Variants in ADARB2 observed in about 807,000 individuals in gnomAD.
The protein encoded by ADARB2 is inactive double-stranded RNA-specific editase B2.
ADARB2 carries 25 observed loss-of-function variants against 62.2 expected under a neutral mutation model. That is an observed-to-expected ratio of 0.40 (90% CI 0.29 to 0.56). The LOEUF (loss-of-function observed/expected upper bound fraction) is 0.56, where lower values mean the gene tolerates loss of function less well. ADARB2 is among the 20% of genes least tolerant of loss of function. ADARB2 has a pLI of 0.43. For missense variants in ADARB2, 1,071 were observed against 1,077.4 expected (o/e 0.99, Z 0.08); for synonymous variants, 572 against 500.8 (o/e 1.14, Z -1.90).
chr10:1,496,620 T>TTCATCA (rs542628077), intron 1 of ADARB2, among the ~76,000 whole-genome samples: 2 of 151,770 alleles, frequency 1.3e-5, no homozygotes, highest in African/African-American at 4.8e-5. Flanking sequence ...TTATCATCAT[T>TTCATCA]TCATCATCAT....
rs115189695 is a variant in ADARB2, at chr10:1,561,999, C to T, written c.100+175052G>A. Among the ~76,000 whole-genome samples the T allele has an allele frequency of 3.2e-3, 490 of 152,342 alleles. 2 individuals carry two copies. Among genetic ancestry groups the T allele is most frequent in the Middle Eastern group, 0.02 (6 of 294 alleles). ...TGTGAACTGCAGTCACCTCTGGGTG[C>T]AGCCCCAGCTTCCGAGCTCATCGCC... On this transcript the variant is annotated intron_variant, in intron 1 of 9. Coordinates refer to ENST00000381312, the MANE Select transcript of ADARB2 (RefSeq NM_018702.4).
chr10:1,211,028 G>A (rs1837143392), intron 7 of ADARB2, among the ~76,000 whole-genome samples: 1 of 152,138 alleles, frequency 6.6e-6, no homozygotes, highest in Non-Finnish European at 1.5e-5. Context: ...TGTTGCCAAT[G>A]GCGCTGTGAG....
chr10:1,511,261 T>G (rs1831933207), intron 1 of ADARB2, among the ~76,000 whole-genome samples: 2 of 152,216 alleles, frequency 1.3e-5, no homozygotes, highest in African/African-American at 4.8e-5. Flanking sequence ...GTTCAACGGA[T>G]AGATTATGTA....
At chr10:1,478,938 AGGAGGAGG>A in intron 1 of ADARB2, among the ~76,000 whole-genome samples, 1 of 152,132 alleles carries the variant, frequency 6.6e-6, no homozygotes, top group Non-Finnish European at 1.5e-5. Context: ...GGACCCTTGG[AGGAGGAGG>A]GGCCTGCAAA....
chr10:1,621,385 T>C (rs1833702436), intron 1 of ADARB2, among the ~76,000 whole-genome samples: 1 of 151,952 alleles, frequency 6.6e-6, no homozygotes. Flanking sequence ...AATAAATAAC[T>C]AGGAATAGTT....
intron 1 of ADARB2, chr10:1,678,380 C>T (rs1383262324): frequency 6.0e-5 from 59 of 976,464 alleles, no homozygotes; most frequent in African/African-American, 1.8e-4. Flanking sequence ...TGAGCATCCT[C>T]GGGCTGAGTG....
At chr10:1,505,823 A>G (rs549732653) in intron 1 of ADARB2, among the ~76,000 whole-genome samples, 1 of 152,354 alleles carries the variant, frequency 6.6e-6, no homozygotes, top group African/African-American at 2.4e-5. Context: ...ATCTTCTTGA[A>G]TTAGGAGGAC....
At chr10:1,323,500 C>T (rs1831814653) in intron 3 of ADARB2, among the ~76,000 whole-genome samples, 1 of 151,952 alleles carries the variant, frequency 6.6e-6, no homozygotes, top group African/African-American at 2.4e-5. Context: ...TGTTTAAGTC[C>T]TAGAATAACT....
chr10:1,235,001 C>T lies in ADARB2; in HGVS notation c.1362-1156G>A, dbSNP rs181888284. Among the ~76,000 whole-genome samples the T allele has an allele frequency of 9.1e-4, 139 of 152,186 alleles. 2 individuals carry two copies. In the East Asian group the frequency reaches 0.026, roughly 28 times the overall value. On this transcript the variant is annotated intron_variant, in intron 5 of 9. Coordinates refer to ENST00000381312, the MANE Select transcript of ADARB2 (RefSeq NM_018702.4). ...ACTTCAGGTGATCCACCCGCCTTGG[C>T]CCCCCAAAGAGCTGGGATTACAGGC... is the stretch of plus-strand genomic sequence containing the variant.
chr10:1,235,259 G>T (rs1830854827), intron 5 of ADARB2, among the ~76,000 whole-genome samples: 1 of 139,126 alleles, frequency 7.2e-6, no homozygotes, highest in South Asian at 2.4e-4. Context: ...ACCAGCACAG[G>T]TGGGAGTGGA....
intron 2 of ADARB2, among the ~76,000 whole-genome samples, chr10:1,378,863 T>A (rs956347701): frequency 6.6e-5 from 10 of 152,066 alleles, no homozygotes; most frequent in African/African-American, 2.4e-4. Context: ...AAGAAAAGGA[T>A]TCCAGCTGAG....
rs1835315196 is a variant in ADARB2, at chr10:1,737,339, TC to T, written c.-190del. 1.0e-5 allele frequency: 6 copies of T among 596,270 alleles called. No individual in the cohort carries two copies. Among genetic ancestry groups the T allele is most frequent in the African/African-American group, 1.9e-5 (1 of 53,432 alleles). 36.9% of individuals were successfully genotyped at this position (596,270 alleles called of 1,614,324 possible). A position where few individuals can be genotyped will look rare whatever the true frequency, so the allele number is the denominator to read the frequency against. On this transcript the variant is annotated 5_prime_UTR_variant, in exon 1 of 10. Transcript: ENST00000381312. ...TCTCGAATTGTTCTCTATGACTTGC[TC>T]CCACTGGGCTGGGGGCCTCGGCTGG...
intron 8 of ADARB2, among the ~76,000 whole-genome samples, chr10:1,194,656 A>T (rs6560719): frequency 0.99 from 150,189 of 152,346 alleles, 74,069 homozygotes; most frequent in Middle Eastern, 1. Context: ...TAATTCTCTC[A>T]TGTGCTGTGT....
At chr10:1,557,159 A>G (rs1265922209) in intron 1 of ADARB2, among the ~76,000 whole-genome samples, 2 of 151,724 alleles carry the variant, frequency 1.3e-5, no homozygotes, top group Middle Eastern at 3.4e-3. Context: ...CCCAGTCACC[A>G]TGTCCAGTCG....
chr10:1,360,185 A>G (rs1383582628), intron 3 of ADARB2, among the ~76,000 whole-genome samples: 1 of 152,252 alleles, frequency 6.6e-6, no homozygotes, highest in African/African-American at 2.4e-5. Flanking sequence ...CAGAGACTGC[A>G]TCGTCCCAGC....
At chr10:1,544,342 G>A (rs570648238) in intron 1 of ADARB2, among the ~76,000 whole-genome samples, 16 of 152,354 alleles carry the variant, frequency 1.1e-4, no homozygotes, top group South Asian at 2.1e-4. Flanking sequence ...CCGGGGGTGC[G>A]GAGTGTTGGG....
chr10:1,508,054 A>C (rs1369568152), intron 1 of ADARB2, among the ~76,000 whole-genome samples: 1 of 152,118 alleles, frequency 6.6e-6, no homozygotes, highest in Non-Finnish European at 1.5e-5. Flanking sequence ...CACAAGGGAG[A>C]TCACACAATT....
intron 1 of ADARB2, among the ~76,000 whole-genome samples, chr10:1,591,675 A>ACG (rs1554774090): frequency 2.6e-4 from 39 of 151,566 alleles, no homozygotes; most frequent in African/African-American, 9.5e-4. Flanking sequence ...ACACACACAC[A>ACG]CACGCACACA....
At chr10:1,374,321 A>G (rs1159393225) in intron 2 of ADARB2, among the ~76,000 whole-genome samples, 1 of 152,194 alleles carries the variant, frequency 6.6e-6, no homozygotes, top group East Asian at 1.9e-4. Flanking sequence ...GGAAAATGCA[A>G]AATGAAATGA....
Sources: gnomAD v4.1 joint callset for allele counts (sites outside exome capture counted in the v4.1 genomes callset) on GRCh38, gnomAD v4.1.1 for gene constraint, MANE v1.5 for transcripts, NCBI Gene and HGNC (gene_info 2026-07-23, HGNC 2026-07-21) for gene names.